The following DNAJC27 variants were observed in gnomAD, a reference collection of about 807,000 sequenced individuals.
The protein encoded by DNAJC27 is dnaJ homolog subfamily C member 27.
Under a neutral mutation model 31.4 loss-of-function variants are expected in DNAJC27, and 25 were observed. The observed-to-expected ratio is 0.80, with a 90% CI of 0.58 to 1.11. The LOEUF (loss-of-function observed/expected upper bound fraction) is 1.11. Ranked by LOEUF, DNAJC27 falls within the 50% of genes most tolerant of loss-of-function variation. DNAJC27 has a pLI of 0.00. For synonymous variants in DNAJC27, 106 were observed against 112.7 expected (o/e 0.94, Z 0.37); for missense variants, 356 against 347.3 (o/e 1.02, Z -0.20).
chr2:24,965,892 A>C (rs544195232), intron 2 of DNAJC27, among the ~76,000 whole-genome samples: 18 of 152,292 alleles, frequency 1.2e-4, no homozygotes, highest in African/African-American at 4.3e-4. Context: ...CCTAACAATA[A>C]ATATTTATTG....
Position 24,944,339 on chromosome 2 carries a change from T to C in DNAJC27, c.*3277A>G, listed in dbSNP as rs1014562899. The C allele has an allele frequency of 2.6e-5, 4 of 151,434 alleles. No homozygotes were observed. The highest frequency in any genetic ancestry group is 9.7e-5 in the African/African-American group (4 of 41,192). 9.4% of individuals were successfully genotyped at this position (151,434 alleles called of 1,614,324 possible). A position where few individuals can be genotyped will look rare whatever the true frequency, so the allele number is the denominator to read the frequency against. Reference sequence around the variant, plus strand: ...CCCTTGTGATGTTGTCATTGTTCAATGGGGCACAGCTCCTTTTTTTTTTTT... The same window carrying C: ...CCCTTGTGATGTTGTCATTGTTCAACGGGGCACAGCTCCTTTTTTTTTTTT... On this transcript the variant is annotated 3_prime_UTR_variant, in exon 7 of 7. Transcript: ENST00000264711.
rs1392878380 is a variant in DNAJC27, at chr2:24,971,889, G to T, written c.16C>A (p.Pro6Thr). The change falls in exon 1 of 7, where the codon CCG (proline) becomes ACG (threonine). Residue 6 changes from proline to threonine, a missense_variant. By Grantham distance (38) the Pro-to-Thr change is conservative. Coordinates refer to ENST00000264711, the MANE Select transcript of DNAJC27 (RefSeq NM_016544.3). MEANM[P>T]KRKEPGRSLR... The stretch of plus-strand genomic sequence containing the variant: ...GACCTGCCGGGCTCCTTCCGCTTCG[G>T]CATGTTGGCCTCCATGGCCCTGGCT... The T allele has an allele frequency of 6.2e-7, 1 of 1,604,386 alleles. No individual in the cohort carries two copies. The highest frequency in any genetic ancestry group is 8.5e-7 in the Non-Finnish European group (1 of 1,176,576).
chr2:24,959,392 A>G (rs1665987602), intron 3 of DNAJC27, among the ~76,000 whole-genome samples: 2 of 152,216 alleles, frequency 1.3e-5, no homozygotes, highest in African/African-American at 4.8e-5. Context: ...AGAATCTCCA[A>G]GATGAGCCCT....
At chr2:24,966,709 G>A (rs192201044) in intron 2 of DNAJC27, among the ~76,000 whole-genome samples, 3 of 152,134 alleles carry the variant, frequency 2.0e-5, no homozygotes, top group East Asian at 1.9e-4. Flanking sequence ...CGCCCGTCTC[G>A]GCCTCCCAAC....
intron 6 of DNAJC27, among the ~76,000 whole-genome samples, chr2:24,949,850 T>C (rs1665725246): frequency 6.6e-6 from 1 of 151,912 alleles, no homozygotes; most frequent in African/African-American, 2.4e-5. Flanking sequence ...CACAGAAGAA[T>C]TCAGAAAGAG....
chr2:24,950,691 A>G (rs1177210465), intron 6 of DNAJC27, among the ~76,000 whole-genome samples: 1 of 151,984 alleles, frequency 6.6e-6, no homozygotes, highest in Non-Finnish European at 1.5e-5. Context: ...TACTAAACAT[A>G]TAAAAATTAG....
At chr2:24,953,373 A>G (rs957980323) in intron 5 of DNAJC27, among the ~76,000 whole-genome samples, 2 of 152,214 alleles carry the variant, frequency 1.3e-5, no homozygotes, top group Non-Finnish European at 2.9e-5. Context: ...AGAGACCAAG[A>G]CACAAGACGT....
In DNAJC27 at chr2:24,967,308, A is replaced by C. The variant is rs1666211234; in HGVS notation, c.88-15T>G. ...ATAATACAGCTCTAAAAAGGTAAAAAATACAGGCATTTAGTAAATACATAG... is the reference window on the plus strand; with the variant it reads ...ATAATACAGCTCTAAAAAGGTAAAACATACAGGCATTTAGTAAATACATAG... On this transcript the variant is annotated splice_polypyrimidine_tract_variant and intron_variant, in intron 1 of 6. Transcript: ENST00000264711. 1 of 1,546,720 alleles carries C rather than the reference A, an allele frequency of 6.5e-7. No homozygotes were observed.
chr2:24,957,004 C>T lies in DNAJC27; in HGVS notation c.528+39G>A, dbSNP rs755980103. On this transcript the variant is annotated intron_variant, in intron 5 of 6. Coordinates refer to ENST00000264711, the MANE Select transcript of DNAJC27 (RefSeq NM_016544.3). The stretch of plus-strand genomic sequence containing the variant: ...TTTAAACTGAAAATTGGCACAGTGG[C>T]CTTGACACAAACCTTAAAACAACAA... 2.5e-6 allele frequency: 4 copies of T among 1,585,672 alleles called. No homozygotes were observed. In the South Asian group the frequency reaches 3.5e-5, roughly 14 times the overall value.
Position 24,971,871 on chromosome 2 carries a change from C to G in DNAJC27, c.34G>C (p.Gly12Arg), listed in dbSNP as rs770620180. Residue 12 changes from glycine to arginine, a missense_variant, in exon 1 of 7, where the codon GGC becomes CGC. Physicochemically the swap from Gly to Arg is moderately radical, Grantham distance 125. Transcript: ENST00000264711. ...EANMPKRKEP[G>R]RSLRIKVISM... ...ATGACTTTGATGCGGAGAGACCTGC[C>G]GGGCTCCTTCCGCTTCGGCATGTTG... The G allele has an allele frequency of 4.3e-6, 7 of 1,609,214 alleles. No individual in the cohort carries two copies. Among genetic ancestry groups the G allele is most frequent in the Non-Finnish European group, 5.1e-6 (6 of 1,178,358 alleles).
Position 24,945,290 on chromosome 2 carries a change from T to C in DNAJC27, c.*2326A>G, listed in dbSNP as rs1165073100. On this transcript the variant is annotated 3_prime_UTR_variant, in exon 7 of 7. Coordinates refer to ENST00000264711, the MANE Select transcript of DNAJC27 (RefSeq NM_016544.3). ...ATATGGCCATTCTTAACATTAATAATGAAGGTGTTGGAAACTGAGTCTCAA... is the reference window on the plus strand; with the variant it reads ...ATATGGCCATTCTTAACATTAATAACGAAGGTGTTGGAAACTGAGTCTCAA... The C allele has an allele frequency of 6.6e-6, 1 of 152,206 alleles. No individual in the cohort carries two copies. The highest frequency in any genetic ancestry group is 1.9e-4 in the East Asian group (1 of 5,200). 9.4% of individuals were successfully genotyped at this position (152,206 alleles called of 1,614,324 possible). A position where few individuals can be genotyped will look rare whatever the true frequency, so the allele number is the denominator to read the frequency against.
chr2:24,962,049 G>A (rs1335666747), intron 3 of DNAJC27, among the ~76,000 whole-genome samples: 5 of 152,178 alleles, frequency 3.3e-5, no homozygotes, highest in Admixed American at 2.6e-4. Context: ...AAACTTTATT[G>A]TTGTCTTATT....
At chr2:24,951,370 C>T (rs1197752888) in intron 6 of DNAJC27, 24 bp downstream of exon 6, 1 of 1,600,222 alleles carries the variant, frequency 6.2e-7, no homozygotes, top group Non-Finnish European at 8.5e-7. Flanking sequence ...TAGCAATCAG[C>T]ACTAAGTATC....
At chr2:24,967,738 AC>A (rs1460945588) in intron 1 of DNAJC27, among the ~76,000 whole-genome samples, 2 of 151,406 alleles carry the variant, frequency 1.3e-5, no homozygotes, top group Non-Finnish European at 2.9e-5. Flanking sequence ...AATAACTGAA[AC>A]AAGTGTTAAA....
At chr2:24,953,174 A>G (rs1457671271) in intron 5 of DNAJC27, among the ~76,000 whole-genome samples, 1 of 152,196 alleles carries the variant, frequency 6.6e-6, no homozygotes, top group Non-Finnish European at 1.5e-5. Flanking sequence ...TTAAATGGAC[A>G]TATCTCCTCC....
chr2:24,965,660 T>C (rs908442341), intron 2 of DNAJC27, among the ~76,000 whole-genome samples: 4 of 152,228 alleles, frequency 2.6e-5, no homozygotes, highest in South Asian at 2.1e-4. Flanking sequence ...CTGCTGTCAG[T>C]TGAAAAATGG....
At position 24,947,626 on chromosome 2, in the gene DNAJC27, T is replaced by A; in HGVS notation, c.812A>T (p.Asn271Ile). The A allele has an allele frequency of 6.2e-7, 1 of 1,603,832 alleles. No homozygotes were observed. The highest frequency in any genetic ancestry group is 8.5e-7 in the Non-Finnish European group (1 of 1,172,026). Residue 271 changes from asparagine to isoleucine, a missense_variant, in exon 7 of 7, where the codon AAC becomes ATC. Transcript: ENST00000264711. ...TTTTTTCTGTACTTTCTACTTGATG[T>A]TTTTCAGGAGGGCTGTCCGAGCATT... ...VVNARTALLK[N>I]IK
intron 1 of DNAJC27, among the ~76,000 whole-genome samples, chr2:24,970,839 C>A (rs1489777184): frequency 1.3e-5 from 2 of 152,004 alleles, no homozygotes; most frequent in Admixed American, 1.3e-4. Context: ...AGCACATACA[C>A]ACAAAAGTAG....
intron 1 of DNAJC27, among the ~76,000 whole-genome samples, chr2:24,970,048 T>C (rs1666289579): frequency 6.6e-6 from 1 of 152,224 alleles, no homozygotes; most frequent in African/African-American, 2.4e-5. Flanking sequence ...TCTCCCTTTG[T>C]AGAGTTTGAA....
Sources: gnomAD v4.1 joint callset for allele counts (sites outside exome capture counted in the v4.1 genomes callset) on GRCh38, gnomAD v4.1.1 for gene constraint, MANE v1.5 for transcripts, NCBI Gene and HGNC (gene_info 2026-07-23, HGNC 2026-07-21) for gene names.